The following TRHDE variants were observed in gnomAD, a reference collection of about 807,000 sequenced individuals.
TRHDE encodes the protein thyrotropin releasing hormone degrading enzyme, also known as thyrotropin-releasing hormone-degrading ectoenzyme.
TRHDE carries 72 observed loss-of-function variants against 125.7 expected under a neutral mutation model. The observed-to-expected ratio is 0.57, with a 90% CI of 0.47 to 0.70. The LOEUF (loss-of-function observed/expected upper bound fraction) is 0.70. Among genes scored for constraint, TRHDE ranks in the 30% least tolerant of loss-of-function variants. The pLI is 0.00. For synonymous variants in TRHDE, 509 were observed against 509.1 expected (o/e 1.00, Z 0.00); for missense variants, 1,110 against 1,327.1 (o/e 0.84, Z 2.54).
intron 7 of TRHDE, among the ~76,000 whole-genome samples, chr12:72,549,352 A>G (rs1869564892): frequency 6.6e-6 from 1 of 151,866 alleles, no homozygotes; most frequent in Non-Finnish European, 1.5e-5. Flanking sequence ...GTTTTCAGAT[A>G]AGTAAAAAGT....
intron 5 of TRHDE, among the ~76,000 whole-genome samples, chr12:72,479,648 T>A (rs1160234216): frequency 3.9e-5 from 1 of 25,724 alleles, no homozygotes; most frequent in African/African-American, 1.5e-4. Context: ...TTTTTTTTTG[T>A]TTTTTTTTAA....
At chr12:72,476,564 T>C (rs1876902090) in intron 5 of TRHDE, among the ~76,000 whole-genome samples, 1 of 152,186 alleles carries the variant, frequency 6.6e-6, no homozygotes, top group South Asian at 2.1e-4. Context: ...GGCTTAAGGT[T>C]CACTACACCT....
At chr12:72,540,990 C>T (rs1358166944) in intron 6 of TRHDE, among the ~76,000 whole-genome samples, 2 of 151,560 alleles carry the variant, frequency 1.3e-5, no homozygotes, top group African/African-American at 4.8e-5. Flanking sequence ...TATTGCACTA[C>T]ATTCAAGTCC....
At chr12:72,421,720 TTTGA>T (rs1227115483) in intron 3 of TRHDE, among the ~76,000 whole-genome samples, 1 of 152,150 alleles carries the variant, frequency 6.6e-6, no homozygotes, top group Non-Finnish European at 1.5e-5. Flanking sequence ...TTTTAGTTAG[TTTGA>T]TTATTATTAT....
chr12:72,107,848 A>G (rs569715884), intron 2 of TRHDE, among the ~76,000 whole-genome samples: 1 of 152,224 alleles, frequency 6.6e-6, no homozygotes, highest in East Asian at 1.9e-4. Flanking sequence ...ACATTTTTTG[A>G]AATTTAATGA....
chr12:72,270,459 G>T (rs922167424), upstream of TRHDE, among the ~76,000 whole-genome samples: 4 of 151,392 alleles, frequency 2.6e-5, no homozygotes, highest in Non-Finnish European at 3.0e-5. Context: ...TGTGTAATTG[G>T]TCTCTTCTCT....
intron 3 of TRHDE, among the ~76,000 whole-genome samples, chr12:72,396,809 C>A (rs1410038327): frequency 1.3e-5 from 2 of 152,212 alleles, no homozygotes; most frequent in East Asian, 3.9e-4. Flanking sequence ...AATGGTACAC[C>A]AGTTTCTTCT....
rs886112240 is a variant in TRHDE at position 72,313,958 on chromosome 12, G to C, written c.1188+27004G>C. Among the ~76,000 whole-genome samples the C allele has an allele frequency of 4.5e-4, 68 of 152,228 alleles. 1 individual carries two copies. Among genetic ancestry groups the C allele is most frequent in the African/African-American group, 1.4e-3 (59 of 41,530 alleles). On this transcript the variant is annotated intron_variant, in intron 2 of 18. Coordinates refer to ENST00000261180, the MANE Select transcript of TRHDE (RefSeq NM_013381.3). ...CAGATCCAGTGTGTGTGCAGCGTCC[G>C]TTTGCTTTGCATCACTCCCACAGGA...
chr12:72,420,016 C>T (rs898305451), intron 3 of TRHDE, among the ~76,000 whole-genome samples: 5 of 152,092 alleles, frequency 3.3e-5, no homozygotes, highest in East Asian at 1.9e-4. Context: ...AATAAAAACA[C>T]GTGAAATTTT....
chr12:72,244,564 A>G (rs1878539795), intron 2 of TRHDE, among the ~76,000 whole-genome samples: 1 of 152,042 alleles, frequency 6.6e-6, no homozygotes, highest in Admixed American at 6.6e-5. Context: ...AAATATATTT[A>G]TGATTTGATT....
chr12:72,099,187 T>C (rs1336525749), intron 1 of TRHDE, among the ~76,000 whole-genome samples: 1 of 152,048 alleles, frequency 6.6e-6, no homozygotes. Flanking sequence ...ACATTGTTGC[T>C]TTAAACCATT....
chr12:72,578,308 C>A (rs1871091994), intron 12 of TRHDE, among the ~76,000 whole-genome samples: 1 of 152,044 alleles, frequency 6.6e-6, no homozygotes, highest in South Asian at 2.1e-4. Context: ...GGCGGCACAG[C>A]TTTTGGAGCA....
At chr12:72,189,825 G>A (rs1877302597) in intron 2 of TRHDE, among the ~76,000 whole-genome samples, 1 of 152,126 alleles carries the variant, frequency 6.6e-6, no homozygotes, top group African/African-American at 2.4e-5. Context: ...ACTGCAGCTG[G>A]TCAAAGCTTC....
chr12:72,491,531 C>T (rs896868753), intron 5 of TRHDE, among the ~76,000 whole-genome samples: 1 of 151,710 alleles, frequency 6.6e-6, no homozygotes, highest in Non-Finnish European at 1.5e-5. Flanking sequence ...TTCCCTTAGC[C>T]GCATCACATC....
intron 3 of TRHDE, among the ~76,000 whole-genome samples, chr12:72,432,540 C>G (rs1349411823): frequency 6.6e-6 from 1 of 152,120 alleles, no homozygotes; most frequent in Non-Finnish European, 1.5e-5. Context: ...TCCCCGGGGT[C>G]TGCAGAACCT....
At position 72,529,970 on chromosome 12, in the gene TRHDE, A is replaced by G. The variant is rs571936157; in HGVS notation, c.1723-12321A>G. ...GCTTCCCTTGCTATTTGTCACAGTG[A>G]ATGAAGGTCTGTACTATGATATAGG... is the stretch of plus-strand genomic sequence containing the variant. On this transcript the variant is annotated intron_variant, in intron 6 of 18. Transcript: ENST00000261180. Among the ~76,000 whole-genome samples the G allele has an allele frequency of 2.2e-3, 336 of 152,242 alleles. 2 individuals carry two copies. Among genetic ancestry groups the G allele is most frequent in the African/African-American group, 7.6e-3 (314 of 41,546 alleles).
intron 2 of TRHDE, among the ~76,000 whole-genome samples, chr12:72,174,551 T>C (rs1209069718): frequency 6.6e-6 from 1 of 152,216 alleles, no homozygotes; most frequent in African/African-American, 2.4e-5. Context: ...TCACATCTCT[T>C]TCATTTCTTT....
At chr12:72,324,118 C>A (rs528478529) in intron 2 of TRHDE, among the ~76,000 whole-genome samples, 24 of 152,092 alleles carry the variant, frequency 1.6e-4, no homozygotes, top group Non-Finnish European at 2.9e-4. Context: ...TTCCTTGGAA[C>A]CAAAAAGTCT....
intron 2 of TRHDE, among the ~76,000 whole-genome samples, chr12:72,353,337 A>G (rs1344953924): frequency 3.3e-5 from 5 of 151,752 alleles, no homozygotes; most frequent in South Asian, 2.1e-4. Flanking sequence ...CAAGAAGCTC[A>G]TGGAAACCAG....
Sources: gnomAD v4.1 joint callset for allele counts (sites outside exome capture counted in the v4.1 genomes callset) on GRCh38, gnomAD v4.1.1 for gene constraint, MANE v1.5 for transcripts, NCBI Gene and HGNC (gene_info 2026-07-23, HGNC 2026-07-21) for gene names.